Variants in VPS54 observed in about 807,000 individuals in gnomAD.
VPS54 encodes the protein vacuolar protein sorting-associated protein 54.
A neutral mutation model predicts 121.5 loss-of-function variants in VPS54; 45 were observed. That is an observed-to-expected ratio of 0.37 (90% CI 0.29 to 0.47). The LOEUF is 0.47. VPS54 is among the 20% of genes least tolerant of loss of function. The pLI, the probability that VPS54 is intolerant of heterozygous loss-of-function variation, is 0.99. For synonymous variants in VPS54, 371 were observed against 385.8 expected, an observed-to-expected ratio of 0.96 and a Z score of 0.45; for missense variants, 1,090 against 1,131.4, an observed-to-expected ratio of 0.96 and a Z score of 0.52.
At chr2:63,902,555 T>TAAAA (rs140510193) in intron 20 of VPS54, among the ~76,000 whole-genome samples, 1 of 146,616 alleles carries the variant, frequency 6.8e-6, no homozygotes, top group Non-Finnish European at 1.5e-5. Flanking sequence ...AGCATTTAAT[T>TAAAA]AAAAAAAAAA....
intron 1 of VPS54, among the ~76,000 whole-genome samples, chr2:64,002,835 C>T (rs1021819851): frequency 2.6e-5 from 4 of 152,154 alleles, no homozygotes; most frequent in Non-Finnish European, 5.9e-5. Context: ...AGTGGACTGC[C>T]TATAAAGATG....
chr2:64,002,265 C>T (rs1677918264), intron 1 of VPS54, among the ~76,000 whole-genome samples: 1 of 152,170 alleles, frequency 6.6e-6, no homozygotes, highest in Non-Finnish European at 1.5e-5. Flanking sequence ...CTATCCTGTT[C>T]AGTGCTTCTT....
chr2:64,010,283 A>AT (rs1050326987), intron 1 of VPS54, among the ~76,000 whole-genome samples: 8 of 152,226 alleles, frequency 5.3e-5, no homozygotes, highest in East Asian at 3.9e-4. Flanking sequence ...TTTGGACCTA[A>AT]TTTTTTTAAA....
intron 9 of VPS54, among the ~76,000 whole-genome samples, chr2:63,945,761 G>T (rs999151298): frequency 6.6e-6 from 1 of 152,064 alleles, no homozygotes; most frequent in Non-Finnish European, 1.5e-5. Context: ...TAGGAACAAG[G>T]TGTAAGCCCC....
At chr2:63,988,748 G>A (rs969084424) in intron 1 of VPS54, among the ~76,000 whole-genome samples, 8 of 152,094 alleles carry the variant, frequency 5.3e-5, no homozygotes, top group African/African-American at 1.9e-4. Flanking sequence ...TGCGTTAACT[G>A]CACAGACTGT....
chr2:63,992,897 G>A (rs1168289695), intron 1 of VPS54, among the ~76,000 whole-genome samples: 2 of 152,186 alleles, frequency 1.3e-5, no homozygotes, highest in African/African-American at 4.8e-5. Flanking sequence ...AGAGCCTGCA[G>A]CTCATTATCA....
chr2:63,920,693 G>T, intron 13 of VPS54, 66 bp from the exon 14 acceptor site: 1 of 915,874 alleles, frequency 1.1e-6, no homozygotes, highest in Non-Finnish European at 1.5e-6. Flanking sequence ...AACCAAGTTA[G>T]TTTAACGATT....
At chr2:63,950,149 T>A (rs1381814654) in intron 7 of VPS54, among the ~76,000 whole-genome samples, 3 of 152,226 alleles carry the variant, frequency 2.0e-5, no homozygotes. Context: ...CATGATTTCC[T>A]TGATTGTCTC....
At chr2:63,897,469 A>C in intron 22 of VPS54, 27 bp downstream of exon 22, 1 of 1,411,818 alleles carries the variant, frequency 7.1e-7, no homozygotes, top group Non-Finnish European at 9.9e-7. Context: ...ATATGGGAGT[A>C]TATGGTGAAA....
chr2:63,937,208 G>A (rs900971025), intron 11 of VPS54, among the ~76,000 whole-genome samples: 4 of 151,986 alleles, frequency 2.6e-5, no homozygotes, highest in Non-Finnish European at 5.9e-5. Context: ...AGAGTAAAAA[G>A]GCAACCTGCG....
intron 3 of VPS54, among the ~76,000 whole-genome samples, chr2:63,974,052 A>G (rs546770093): frequency 6.6e-6 from 1 of 152,296 alleles, no homozygotes; most frequent in East Asian, 1.9e-4. Context: ...ATTTTCTCCT[A>G]TGTTATCATC....
At position 63,949,156 on chromosome 2, in the gene VPS54, C is replaced by T; in HGVS notation, c.1018G>A (p.Gly340Arg). 1 of 1,604,422 alleles carries T rather than the reference C, an allele frequency of 6.2e-7. No individual in the cohort carries two copies. The highest frequency in any genetic ancestry group is 8.5e-7 in the Non-Finnish European group (1 of 1,177,690). The change falls in exon 8 of 23, where the codon GGA becomes AGA. Residue 340 changes from glycine (G) to arginine (R), a missense_variant. Coordinates refer to ENST00000272322, the MANE Select transcript of VPS54 (RefSeq NM_016516.3). Reference protein sequence around the residue: ...LQGIHSFRHLGSQLCELEKLI... With the variant: ...LQGIHSFRHLRSQLCELEKLI... ...TTTTCTAATTCACAAAGCTGTGATC[C>T]CAAATGCCTAAAAAGGAAGAGAAAA...
chr2:63,992,957 C>T (rs1677398418), intron 1 of VPS54, among the ~76,000 whole-genome samples: 1 of 152,206 alleles, frequency 6.6e-6, no homozygotes, highest in Non-Finnish European at 1.5e-5. Context: ...AATCTGCCAG[C>T]TTTATGTTGG....
intron 20 of VPS54, among the ~76,000 whole-genome samples, chr2:63,904,022 G>C (rs1281196699): frequency 6.6e-6 from 1 of 151,992 alleles, no homozygotes; most frequent in African/African-American, 2.4e-5. Flanking sequence ...ATAAGGCATA[G>C]ATATGTTAAA....
At chr2:63,991,755 G>A (rs559961819) in intron 1 of VPS54, among the ~76,000 whole-genome samples, 2 of 152,096 alleles carry the variant, frequency 1.3e-5, no homozygotes, top group Non-Finnish European at 2.9e-5. Context: ...ATATCAAATG[G>A]GATGCTTCAG....
intron 12 of VPS54, among the ~76,000 whole-genome samples, chr2:63,931,333 G>C (rs187988157): frequency 1.3e-5 from 2 of 152,094 alleles, no homozygotes; most frequent in African/African-American, 2.4e-5. Context: ...CAGAACAGAG[G>C]CCTCAGAAAT....
intron 6 of VPS54, among the ~76,000 whole-genome samples, chr2:63,962,682 C>A (rs1313372144): frequency 6.6e-6 from 1 of 152,090 alleles, no homozygotes; most frequent in Middle Eastern, 3.2e-3. Context: ...CTCCTCTGTT[C>A]CTGTCATTAT....
chr2:64,018,390 A>AG (rs1678810825), intron 1 of VPS54, among the ~76,000 whole-genome samples: 1 of 152,218 alleles, frequency 6.6e-6, no homozygotes, highest in Admixed American at 6.5e-5. Context: ...AACGGCAGAG[A>AG]GGGCCTGCCC....
intron 12 of VPS54, among the ~76,000 whole-genome samples, chr2:63,925,689 C>G (rs1215271476): frequency 6.6e-6 from 1 of 152,168 alleles, no homozygotes; most frequent in Admixed American, 6.5e-5. Flanking sequence ...ATGTAACAAC[C>G]TGGATAGATA....
Sources: gnomAD v4.1 joint callset for allele counts (sites outside exome capture counted in the v4.1 genomes callset) on GRCh38, gnomAD v4.1.1 for gene constraint, MANE v1.5 for transcripts, NCBI Gene and HGNC (gene_info 2026-07-23, HGNC 2026-07-21) for gene names.